The following NRCAM variants were observed in gnomAD, a reference collection of about 807,000 sequenced individuals.
NRCAM encodes the protein NgCAM-related cell adhesion molecule.
NRCAM carries 83 observed loss-of-function variants against 156.5 expected under a neutral mutation model. The ratio of observed to expected loss-of-function variants is 0.53; its 90% CI spans 0.44 to 0.64. The LOEUF (loss-of-function observed/expected upper bound fraction) is 0.64, where lower values mean the gene tolerates loss of function less well. Ranked by LOEUF, NRCAM falls within the 30% of genes least tolerant of loss-of-function variation. NRCAM has a pLI of 0.00. For missense variants in NRCAM, 1,417 were observed against 1,597.3 expected, an observed-to-expected ratio of 0.89 and a Z score of 1.92; for synonymous variants, 538 against 563.9, an observed-to-expected ratio of 0.95 and a Z score of 0.65.
chr7:108,207,807 C>A, intron 12 of NRCAM, 148 bp from the exon 13 acceptor site: 1 of 574,058 alleles, frequency 1.7e-6, no homozygotes, highest in South Asian at 3.0e-5. Context: ...ATAAACAATG[C>A]TTCAAAGAAC....
chr7:108,276,431 T>C (rs1459176570), intron 3 of NRCAM, among the ~76,000 whole-genome samples: 1 of 152,234 alleles, frequency 6.6e-6, no homozygotes, highest in Non-Finnish European at 1.5e-5. Context: ...ATTGGGTGCA[T>C]ATATATTTAG....
At chr7:108,158,079 A>G (rs893336335) in intron 32 of NRCAM, among the ~76,000 whole-genome samples, 1 of 152,084 alleles carries the variant, frequency 6.6e-6, no homozygotes, top group African/African-American at 2.4e-5. Flanking sequence ...GCAAAGTTCT[A>G]CTCATCCAGA....
intron 3 of NRCAM, among the ~76,000 whole-genome samples, chr7:108,247,158 T>C (rs960499893): frequency 6.6e-6 from 1 of 152,162 alleles, no homozygotes; most frequent in Non-Finnish European, 1.5e-5. Flanking sequence ...AGAAGAACCA[T>C]CCTGCCAACC....
intron 3 of NRCAM, among the ~76,000 whole-genome samples, chr7:108,311,578 T>G (rs946559450): frequency 6.6e-6 from 1 of 152,154 alleles, no homozygotes; most frequent in Non-Finnish European, 1.5e-5. Flanking sequence ...AGAACAAAAT[T>G]TGTGCTATTT....
At chr7:108,216,905 C>G (rs1454794104) in intron 11 of NRCAM, among the ~76,000 whole-genome samples, 2 of 152,160 alleles carry the variant, frequency 1.3e-5, no homozygotes, top group Non-Finnish European at 2.9e-5. Context: ...CCTTCTGAAG[C>G]CCACTTCTGT....
intron 3 of NRCAM, among the ~76,000 whole-genome samples, chr7:108,247,479 G>T (rs2096022493): frequency 6.6e-6 from 1 of 151,366 alleles, no homozygotes; most frequent in Non-Finnish European, 1.5e-5. Flanking sequence ...GCAGCCAAAG[G>T]GCACATACTT....
intron 13 of NRCAM, among the ~76,000 whole-genome samples, chr7:108,199,903 TAA>T (rs1191854725): frequency 2.6e-5 from 4 of 151,964 alleles, no homozygotes; most frequent in Admixed American, 1.3e-4. Flanking sequence ...ATTTATAGCC[TAA>T]AAGTCTTTTA....
At chr7:108,215,318 T>C (rs1394951255) in intron 11 of NRCAM, among the ~76,000 whole-genome samples, 1 of 151,176 alleles carries the variant, frequency 6.6e-6, no homozygotes, top group Non-Finnish European at 1.5e-5. Flanking sequence ...GTTCACGCCA[T>C]TCTCCTGCCT....
intron 4 of NRCAM, 102 bp downstream of exon 4, chr7:108,239,857 G>T: frequency 4.4e-6 from 3 of 687,948 alleles, no homozygotes; most frequent in Non-Finnish European, 7.5e-6. Flanking sequence ...TAGCTTTTCA[G>T]TATCACACAG....
At chr7:108,366,364 A>G (rs1218175874) in intron 2 of NRCAM, among the ~76,000 whole-genome samples, 5 of 152,212 alleles carry the variant, frequency 3.3e-5, no homozygotes, top group African/African-American at 1.2e-4. Flanking sequence ...TAAGACTGCA[A>G]TTGAACCACT....
chr7:108,355,322 A>G (rs2099485061), intron 2 of NRCAM, among the ~76,000 whole-genome samples: 1 of 152,264 alleles, frequency 6.6e-6, no homozygotes. Context: ...AAGTTTAAAG[A>G]AGACGTGGGC....
chr7:108,221,675 C>A (rs2092342254), intron 11 of NRCAM, among the ~76,000 whole-genome samples: 1 of 152,064 alleles, frequency 6.6e-6, no homozygotes, highest in Non-Finnish European at 1.5e-5. Context: ...ATAAGAATAA[C>A]ACAATGGACT....
At chr7:108,158,855 C>T (rs2151301053) in intron 32 of NRCAM, among the ~76,000 whole-genome samples, 1 of 152,128 alleles carries the variant, frequency 6.6e-6, no homozygotes, top group East Asian at 1.9e-4. Context: ...AAAAATTTAG[C>T]ACATAGGTTA....
intron 8 of NRCAM, among the ~76,000 whole-genome samples, chr7:108,228,125 C>G (rs910015799): frequency 6.6e-6 from 1 of 152,126 alleles, no homozygotes; most frequent in Non-Finnish European, 1.5e-5. Flanking sequence ...AGTTCAAGAC[C>G]AGTCTGGCCA....
chr7:108,396,717 A>C (rs2099777921), intron 2 of NRCAM, among the ~76,000 whole-genome samples: 1 of 152,222 alleles, frequency 6.6e-6, no homozygotes, highest in African/African-American at 2.4e-5. Context: ...TATATGAAAT[A>C]TGTATAATCA....
At chr7:108,177,838 G>C (rs1463309555) in intron 26 of NRCAM, 152 bp downstream of exon 26, 2 of 526,642 alleles carry the variant, frequency 3.8e-6, no homozygotes, top group Non-Finnish European at 6.1e-6. Flanking sequence ...ATAAATATTT[G>C]AGAAGATGAA....
At chr7:108,234,489 C>T in intron 6 of NRCAM, 94 bp downstream of exon 6, 1 of 796,998 alleles carries the variant, frequency 1.3e-6, no homozygotes, top group Non-Finnish European at 2.1e-6. Context: ...ACATAGTCTG[C>T]CTTGTTTGAT....
At chr7:108,444,619 T>C (rs1310264124) in intron 1 of NRCAM, among the ~76,000 whole-genome samples, 1 of 152,160 alleles carries the variant, frequency 6.6e-6, no homozygotes, top group Non-Finnish European at 1.5e-5. Flanking sequence ...CTGGCAACCT[T>C]TGGCCATTTT....
chr7:108,437,009 G>C (rs777894520), intron 1 of NRCAM, among the ~76,000 whole-genome samples: 3 of 152,136 alleles, frequency 2.0e-5, no homozygotes, highest in Non-Finnish European at 4.4e-5. Flanking sequence ...AGACTTGAAG[G>C]CAACCTAAGT....
Sources: gnomAD v4.1 joint callset for allele counts (sites outside exome capture counted in the v4.1 genomes callset) on GRCh38, gnomAD v4.1.1 for gene constraint, MANE v1.5 for transcripts, NCBI Gene and HGNC (gene_info 2026-07-23, HGNC 2026-07-21) for gene names.